HECW2: variants seen among roughly 807,000 people sequenced by gnomAD.
The protein encoded by HECW2 is E3 ubiquitin-protein ligase HECW2.
A neutral mutation model predicts 175.2 loss-of-function variants in HECW2; 61 were observed. The observed-to-expected ratio is 0.35, with a 90% CI of 0.28 to 0.43. HECW2 has a LOEUF of 0.43. Ranked by LOEUF, HECW2 falls within the 20% of genes least tolerant of loss-of-function variation. The pLI is 1.00. For synonymous variants in HECW2, 671 were observed against 731.0 expected (o/e 0.92, Z 1.32); for missense variants, 1,524 against 2,000.5 (o/e 0.76, Z 4.54).
At chr2:196,302,964 G>A (rs1285938753) in intron 13 of HECW2, among the ~76,000 whole-genome samples, 1 of 152,134 alleles carries the variant, frequency 6.6e-6, no homozygotes, top group Admixed American at 6.5e-5. Flanking sequence ...AATAGGAGTG[G>A]TGGCAGAGAG....
chr2:196,414,453 G>A (rs1182815819), intron 2 of HECW2, among the ~76,000 whole-genome samples: 1 of 152,188 alleles, frequency 6.6e-6, no homozygotes, highest in Non-Finnish European at 1.5e-5. Context: ...TTAGGAGGCA[G>A]GGAAGGGCTG....
At chr2:196,460,642 G>A (rs1696705812) in intron 1 of HECW2, among the ~76,000 whole-genome samples, 1 of 151,886 alleles carries the variant, frequency 6.6e-6, no homozygotes, top group Non-Finnish European at 1.5e-5. Context: ...CAGGGTCTTG[G>A]TCTGTCACCC....
intron 1 of HECW2, among the ~76,000 whole-genome samples, chr2:196,452,780 T>C (rs1162200502): frequency 6.7e-6 from 1 of 148,178 alleles, no homozygotes; most frequent in Non-Finnish European, 1.5e-5. Context: ...AATGAGTGAC[T>C]GACCCCAAAG....
chr2:196,322,463 G>A lies in HECW2; in HGVS notation c.884+15C>T. ...ACTAATCTCAACAAGATCCCCAAAG[G>A]TAAGGGCTGATTACCCGATGGCTTG... is the stretch of plus-strand genomic sequence containing the variant. On this transcript the variant is annotated intron_variant, in intron 7 of 28. Transcript: ENST00000644978. 1.9e-6 allele frequency: 3 copies of A among 1,610,330 alleles called. No homozygotes were observed. The highest frequency in any genetic ancestry group is 2.5e-6 in the Non-Finnish European group (3 of 1,178,508).
At chr2:196,341,170 T>C (rs528432039) in intron 3 of HECW2, among the ~76,000 whole-genome samples, 1 of 152,124 alleles carries the variant, frequency 6.6e-6, no homozygotes, top group Admixed American at 6.5e-5. Context: ...TTCCAAACTA[T>C]AGCAGCATGT....
At chr2:196,240,736 A>C (rs1289602555) in intron 20 of HECW2, among the ~76,000 whole-genome samples, 174 bp from the exon 21 acceptor site, 1 of 145,132 alleles carries the variant, frequency 6.9e-6, no homozygotes, top group South Asian at 2.3e-4. Context: ...TCTTAATAGC[A>C]TTAGCAAAAG....
At chr2:196,495,689 T>C (rs1687367836) in intron 1 of HECW2, among the ~76,000 whole-genome samples, 1 of 152,246 alleles carries the variant, frequency 6.6e-6, no homozygotes, top group Non-Finnish European at 1.5e-5. Context: ...TGACACTCAC[T>C]AGCTGTATGA....
chr2:196,275,951 C>T (rs1171287329), intron 15 of HECW2, among the ~76,000 whole-genome samples: 3 of 152,164 alleles, frequency 2.0e-5, no homozygotes, highest in Admixed American at 1.3e-4. Context: ...TAGAAGTCTT[C>T]TCATCCTGCT....
intron 1 of HECW2, among the ~76,000 whole-genome samples, chr2:196,481,007 C>A (rs1398514228): frequency 6.6e-6 from 1 of 152,050 alleles, no homozygotes; most frequent in African/African-American, 2.4e-5. Flanking sequence ...TAATTTTAGC[C>A]CTTTGCAGTC....
chr2:196,593,147 G>C (rs1691271257), intron 1 of HECW2, among the ~76,000 whole-genome samples: 2 of 151,352 alleles, frequency 1.3e-5, no homozygotes, highest in South Asian at 4.1e-4. Context: ...GCGACACCCA[G>C]AGCTCTCGAG....
chr2:196,262,179 C>T (rs1296324779), intron 17 of HECW2, among the ~76,000 whole-genome samples: 2 of 152,112 alleles, frequency 1.3e-5, no homozygotes, highest in African/African-American at 4.8e-5. Flanking sequence ...GTATGTACCA[C>T]CACACCCAGC....
intron 2 of HECW2, among the ~76,000 whole-genome samples, chr2:196,416,299 A>C (rs1695255288): frequency 6.6e-6 from 1 of 152,218 alleles, no homozygotes; most frequent in African/African-American, 2.4e-5. Flanking sequence ...CTGTGGATTT[A>C]AAATCCCAAG....
chr2:196,587,812 T>C (rs529843823), intron 1 of HECW2, among the ~76,000 whole-genome samples: 3 of 152,308 alleles, frequency 2.0e-5, no homozygotes, highest in African/African-American at 7.2e-5. Flanking sequence ...GCTGAAATCA[T>C]AATTAAATGG....
chr2:196,248,623 C>G (rs796456229), intron 19 of HECW2, among the ~76,000 whole-genome samples: 1,927 of 148,432 alleles, frequency 0.013, 36 homozygotes, highest in African/African-American at 0.045. Context: ...CACACACACA[C>G]ACACACACAG....
intron 1 of HECW2, among the ~76,000 whole-genome samples, chr2:196,571,379 C>G (rs1690379308): frequency 6.6e-6 from 1 of 152,136 alleles, no homozygotes; most frequent in African/African-American, 2.4e-5. Flanking sequence ...ATAACAAAAT[C>G]TGAGCAAATC....
intron 2 of HECW2, among the ~76,000 whole-genome samples, chr2:196,428,165 C>G (rs773224465): frequency 1.3e-5 from 2 of 152,158 alleles, no homozygotes; most frequent in Non-Finnish European, 2.9e-5. Context: ...TGATGTTCTA[C>G]TAAATTCCTT....
At chr2:196,372,238 C>G (rs959705988) in intron 2 of HECW2, among the ~76,000 whole-genome samples, 1 of 152,190 alleles carries the variant, frequency 6.6e-6, no homozygotes, top group Admixed American at 6.5e-5. Flanking sequence ...ATAAGAAGCA[C>G]AAAGTATCAG....
intron 13 of HECW2, among the ~76,000 whole-genome samples, chr2:196,298,073 CTT>C (rs1690886076): frequency 6.6e-6 from 1 of 152,074 alleles, no homozygotes; most frequent in South Asian, 2.1e-4. Flanking sequence ...TACTAAGAAA[CTT>C]AAACGCTAGA....
intron 2 of HECW2, among the ~76,000 whole-genome samples, chr2:196,350,618 GTTCA>G (rs1018800984): frequency 1.3e-5 from 2 of 152,094 alleles, no homozygotes; most frequent in African/African-American, 4.8e-5. Flanking sequence ...TTGTTACCTT[GTTCA>G]TTCATTCATT....
Sources: allele counts gnomAD v4.1 joint callset (sites outside exome capture counted in the v4.1 genomes callset), GRCh38; gene constraint gnomAD v4.1.1; transcripts MANE v1.5; gene names NCBI Gene and HGNC (gene_info 2026-07-23, HGNC 2026-07-21).